The following KCNK12 variants were observed in gnomAD, a reference collection of about 807,000 sequenced individuals.
KCNK12 encodes potassium two pore domain channel subfamily K member 12.
A neutral mutation model predicts 25.3 loss-of-function variants in KCNK12; 6 were observed. The ratio of observed to expected loss-of-function variants is 0.24; its 90% CI spans 0.13 to 0.47. The LOEUF (loss-of-function observed/expected upper bound fraction) is 0.47, where lower values mean the gene tolerates loss of function less well. Ranked by LOEUF, KCNK12 falls within the 20% of genes least tolerant of loss-of-function variation. The pLI is 0.99. For missense variants in KCNK12, 444 were observed against 661.7 expected (o/e 0.67, Z 3.61); for synonymous variants, 331 against 311.1 (o/e 1.06, Z -0.67).
intron 1 of KCNK12, among the ~76,000 whole-genome samples, chr2:47,522,813 A>G (rs370081892): frequency 1.1e-3 from 166 of 152,350 alleles, no homozygotes; most frequent in African/African-American, 3.8e-3. Flanking sequence ...CAATTCCCAG[A>G]TGACTCCAAA....
intron 1 of KCNK12, among the ~76,000 whole-genome samples, chr2:47,522,345 GT>G (rs1184422662): frequency 1.3e-5 from 2 of 152,154 alleles, no homozygotes; most frequent in African/African-American, 4.8e-5. Flanking sequence ...TTATGTGCTT[GT>G]GCACTTTTTA....
intron 1 of KCNK12, among the ~76,000 whole-genome samples, chr2:47,526,553 C>T (rs915298293): frequency 3.9e-5 from 6 of 152,142 alleles, no homozygotes; most frequent in South Asian, 2.1e-4. Flanking sequence ...GGCAACTTGG[C>T]GAAACTCCGT....
At chr2:47,524,758 GA>G (rs1358543427) in intron 1 of KCNK12, among the ~76,000 whole-genome samples, 1 of 152,092 alleles carries the variant, frequency 6.6e-6, no homozygotes, top group Non-Finnish European at 1.5e-5. Context: ...CTCATAGTGA[GA>G]AAAAAATTTT....
At chr2:47,544,023 CA>C (rs1388968807) in intron 1 of KCNK12, among the ~76,000 whole-genome samples, 9 of 152,192 alleles carry the variant, frequency 5.9e-5, no homozygotes, top group Non-Finnish European at 1.3e-4. Flanking sequence ...GCCTTCCCTC[CA>C]CTCTTGGTGG....
At chr2:47,537,296 G>A in intron 1 of KCNK12, among the ~76,000 whole-genome samples, 1 of 151,880 alleles carries the variant, frequency 6.6e-6, no homozygotes, top group Non-Finnish European at 1.5e-5. Context: ...TTCCGTACAT[G>A]GAGCACACTG....
Position 47,540,745 on chromosome 2 carries a change from G to A in KCNK12, c.392-18937C>T, listed in dbSNP as rs1474057869. Among the ~76,000 whole-genome samples, 1 of 151,636 alleles carries A rather than the reference G, an allele frequency of 6.6e-6. No individual in the cohort carries two copies. Among genetic ancestry groups the A allele is most frequent in the Non-Finnish European group, 1.5e-5 (1 of 68,010 alleles). On this transcript the variant is annotated intron_variant, in intron 1 of 1. Transcript: ENST00000327876. The surrounding 1 kb of genome is among the most constrained non-coding windows in gnomAD (Gnocchi z 5.4). ...GTTTGGGACCAGCCTGGGCAACATGGTGAGACTCCATCCCTAGAAACAATT... is the reference window on the plus strand; with the variant it reads ...GTTTGGGACCAGCCTGGGCAACATGATGAGACTCCATCCCTAGAAACAATT...
At position 47,520,951 on chromosome 2, in the gene KCNK12, C is replaced by T; in HGVS notation, c.1249G>A (p.Gly417Ser). Residue 417 changes from glycine (G) to serine (S), a missense_variant, in exon 2 of 2, where the codon GGC (glycine) becomes AGC (serine). Around this residue, in one of 8 missense-constraint regions of KCNK12, gnomAD observed 57 missense variants for 68.9 expected, o/e 0.83. Transcript: ENST00000327876. The surrounding 1 kb of genome is among the most constrained non-coding windows in gnomAD (Gnocchi z 5.0). ...TCGGCCAGCCGGTTGTTCATGATGCCCAGCGCGCCCACGCCGCCCGAGAAG... is the reference window on the plus strand; with the variant it reads ...TCGGCCAGCCGGTTGTTCATGATGCTCAGCGCGCCCACGCCGCCCGAGAAG... ...NGFSGGVGAL[G>S]IMNNRLAETS... The T allele has an allele frequency of 1.5e-6, 2 of 1,295,204 alleles. No individual in the cohort carries two copies. The highest frequency in any genetic ancestry group is 2.0e-6 in the Non-Finnish European group (2 of 1,019,530). 80.2% of individuals were successfully genotyped at this position (1,295,204 alleles called of 1,614,324 possible).
chr2:47,550,644 A>G (rs908796761), intron 1 of KCNK12, among the ~76,000 whole-genome samples: 1 of 151,998 alleles, frequency 6.6e-6, no homozygotes, highest in African/African-American at 2.4e-5. Flanking sequence ...CGGCCTCCCA[A>G]AGTGTTGGGA....
At chr2:47,567,171 T>C (rs1669801415) in intron 1 of KCNK12, 1 of 152,220 alleles carries the variant, frequency 6.6e-6, no homozygotes. Context: ...TTAGGCAGTA[T>C]AAATAGCTGA....
rs1668660060 is a variant in KCNK12, at chr2:47,521,749, G to T, written c.451C>A (p.Leu151Met). Residue 151 changes from leucine to methionine, a missense_variant, in exon 2 of 2, where the codon CTG (leucine) becomes ATG (methionine). Transcript: ENST00000327876. ...GGKAFLIAYG[L>M]FGCAGTILFF... ...AGGATGGTCCCAGCGCAGCCGAACA[G>T]CCCGTAGGCGATGAGGAAGGCCTTC... 6.4e-7 allele frequency: 1 copy of T among 1,553,268 alleles called. No homozygotes were observed. The highest frequency in any genetic ancestry group is 1.2e-5 in the South Asian group (1 of 80,034).
chr2:47,527,393 C>G (rs1038831174), intron 1 of KCNK12: 13 of 152,348 alleles, frequency 8.5e-5, no homozygotes, highest in African/African-American at 3.1e-4. Context: ...ACAGCTCAGA[C>G]AAGCTGGGCT....
rs1669652325 is a variant in KCNK12, at chr2:47,560,803, C to G, written c.391+9138G>C. Among the ~76,000 whole-genome samples, 2 of 152,184 alleles carry G rather than the reference C, an allele frequency of 1.3e-5. No individual in the cohort carries two copies. The highest frequency in any genetic ancestry group is 2.9e-5 in the Non-Finnish European group (2 of 68,030). On this transcript the variant is annotated intron_variant, in intron 1 of 1. Coordinates refer to ENST00000327876, the MANE Select transcript of KCNK12 (RefSeq NM_022055.2). This position sits in a 1 kb window ranked among gnomAD's most constrained non-coding sequence, Gnocchi z 4.7. The stretch of plus-strand genomic sequence containing the variant: ...CAATGCCTCAGTTATCCCCCTCACT[C>G]CCCAGAACAAAGGCATTGGCTGCTG...
In KCNK12 at chr2:47,533,671, A is replaced by C. The variant is rs1304052468; in HGVS notation, c.392-11863T>G. 6.6e-6 allele frequency among the ~76,000 whole-genome samples: 1 copy of C among 152,154 alleles called. No homozygotes were observed. The highest frequency in any genetic ancestry group is 1.5e-5 in the Non-Finnish European group (1 of 68,014). Reference sequence around the variant, plus strand: ...TGGGTAGGAGGCCCGGCTAGAGGTTAGGCACCATCTTTTCCAGTCCCCAAA... The same window carrying C: ...TGGGTAGGAGGCCCGGCTAGAGGTTCGGCACCATCTTTTCCAGTCCCCAAA... On this transcript the variant is annotated intron_variant, in intron 1 of 1. Coordinates refer to ENST00000327876, the MANE Select transcript of KCNK12 (RefSeq NM_022055.2). This position sits in a 1 kb window ranked among gnomAD's most constrained non-coding sequence, Gnocchi z 4.7.
rs1033679496 is a variant in KCNK12 at position 47,569,666 on chromosome 2, G to T, written c.391+275C>A. Among the ~76,000 whole-genome samples, 1 of 152,170 alleles carries T rather than the reference G, an allele frequency of 6.6e-6. No homozygotes were observed. The highest frequency in any genetic ancestry group is 2.4e-5 in the African/African-American group (1 of 41,452). ...ACGTATTCTTAGAGGAGAAAACGGA[G>T]GCTCACAAAGGTCAGATCACAGAGC... On this transcript the variant is annotated intron_variant, in intron 1 of 1. Coordinates refer to ENST00000327876, the MANE Select transcript of KCNK12 (RefSeq NM_022055.2). The surrounding 1 kb of genome is among the most constrained non-coding windows in gnomAD (Gnocchi z 4.1).
chr2:47,547,402 A>G lies in KCNK12; in HGVS notation c.391+22539T>C, dbSNP rs2104835197. On this transcript the variant is annotated intron_variant, in intron 1 of 1. Coordinates refer to ENST00000327876, the MANE Select transcript of KCNK12 (RefSeq NM_022055.2). This position sits in a 1 kb window ranked among gnomAD's most constrained non-coding sequence, Gnocchi z 5.0. ...GCTTAAAAACTCCCAGGTAATTTTA[A>G]TATGCAGCCAGGGTTGAGAACCACT... Among the ~76,000 whole-genome samples, 1 of 152,294 alleles carries G rather than the reference A, an allele frequency of 6.6e-6. No homozygotes were observed. Among genetic ancestry groups the G allele is most frequent in the Admixed American group, 6.5e-5 (1 of 15,284 alleles).
chr2:47,562,100 G>A lies in KCNK12; in HGVS notation c.391+7841C>T. ...TCTCTCTACCCTAGCGACTCCAAGT[G>A]CATCAGCATAGGCATTGCCAGGAGC... is the stretch of plus-strand genomic sequence containing the variant. On this transcript the variant is annotated intron_variant, in intron 1 of 1. Coordinates refer to ENST00000327876, the MANE Select transcript of KCNK12 (RefSeq NM_022055.2). The surrounding 1 kb of genome is among the most constrained non-coding windows in gnomAD (Gnocchi z 4.8). The A allele has an allele frequency of 5.0e-6, 2 of 398,646 alleles. No homozygotes were observed. The highest frequency in any genetic ancestry group is 8.8e-6 in the Non-Finnish European group (2 of 226,090). The allele number at this position is 398,646 out of a possible 1,614,324, so 24.7% of individuals were successfully genotyped here.
rs1404866235 is a variant in KCNK12, at chr2:47,515,946, A to G, written c.*4961T>C. Among the ~76,000 whole-genome samples the G allele has an allele frequency of 6.6e-6, 1 of 152,164 alleles. No homozygotes were observed. Among genetic ancestry groups the G allele is most frequent in the Non-Finnish European group, 1.5e-5 (1 of 68,034 alleles). On this transcript the variant is annotated 3_prime_UTR_variant, in exon 2 of 2. Coordinates refer to ENST00000327876, the MANE Select transcript of KCNK12 (RefSeq NM_022055.2). ...ATATCCTCATGAAATGCCTCTTATA[A>G]TTGTGACATCTTGCAATTGTGGAGG...
chr2:47,526,307 G>A (rs1190812758), intron 1 of KCNK12, among the ~76,000 whole-genome samples: 4 of 151,454 alleles, frequency 2.6e-5, no homozygotes, highest in African/African-American at 7.3e-5. Context: ...TCGGGAGGCT[G>A]AGGCAGGAGA....
Position 47,569,907 on chromosome 2 carries a change from G to C in KCNK12, c.391+34C>G, listed in dbSNP as rs1669853744. 4 of 1,325,646 alleles carry C rather than the reference G, an allele frequency of 3.0e-6. No homozygotes were observed. The highest frequency in any genetic ancestry group is 3.9e-6 in the Non-Finnish European group (4 of 1,030,992). 82.1% of individuals were successfully genotyped at this position (1,325,646 alleles called of 1,614,324 possible). On this transcript the variant is annotated intron_variant, in intron 1 of 1. Transcript: ENST00000327876. This position sits in a 1 kb window ranked among gnomAD's most constrained non-coding sequence, Gnocchi z 4.1. ...GAAAGGGCGGCAGGTGAAAGGCACA[G>C]AGAGGAAAGATGCGCGGGGGACGCG...
Sources: gnomAD v4.1 joint callset for allele counts (sites outside exome capture counted in the v4.1 genomes callset) on GRCh38, gnomAD v4.1.1 for gene constraint, gnomAD v4.1.1 regional missense constraint, Gnocchi (gnomAD v3.1) non-coding constraint, MANE v1.5 for transcripts, NCBI Gene and HGNC (gene_info 2026-07-23, HGNC 2026-07-21) for gene names.